The following TASP1 variants were observed in gnomAD, a reference collection of about 807,000 sequenced individuals.
The protein encoded by TASP1 is taspase 1.
Under a neutral mutation model 56.6 loss-of-function variants are expected in TASP1, and 16 were observed. That is an observed-to-expected ratio of 0.28 (90% CI 0.19 to 0.43). The LOEUF (loss-of-function observed/expected upper bound fraction) is 0.43, where lower values mean the gene tolerates loss of function less well. TASP1 is among the 20% of genes least tolerant of loss of function. The pLI is 1.00. For missense variants in TASP1, 393 were observed against 511.6 expected, an observed-to-expected ratio of 0.77 and a Z score of 2.24; for synonymous variants, 179 against 184.2, an observed-to-expected ratio of 0.97 and a Z score of 0.23.
At chr20:13,275,199 C>T in the TASP1 span, among the ~76,000 whole-genome samples, 35 of 150,528 alleles carry the variant, frequency 2.3e-4, no homozygotes, top group Admixed American at 1.7e-3. Flanking sequence ...CCCATTAAGA[C>T]GGACTTAAAA....
the TASP1 span, among the ~76,000 whole-genome samples, chr20:13,150,744 CT>C: frequency 6.6e-6 from 1 of 152,286 alleles, no homozygotes; most frequent in South Asian, 2.1e-4. Flanking sequence ...CCAGCCTCAT[CT>C]TGTCCCAGCT....
At chr20:13,253,565 T>C in the TASP1 span, among the ~76,000 whole-genome samples, 1 of 152,136 alleles carries the variant, frequency 6.6e-6, no homozygotes, top group African/African-American at 2.4e-5. Context: ...GGTTCTCAGA[T>C]GTGAGCCTGC....
At chr20:13,275,817 G>A in the TASP1 span, among the ~76,000 whole-genome samples, 1 of 152,134 alleles carries the variant, frequency 6.6e-6, no homozygotes, top group Non-Finnish European at 1.5e-5. Flanking sequence ...AAATTAATTG[G>A]GAATCAGAAG....
chr20:13,296,152 C>A, the TASP1 span, among the ~76,000 whole-genome samples: 1 of 152,194 alleles, frequency 6.6e-6, no homozygotes, highest in African/African-American at 2.4e-5. Flanking sequence ...GGGCAGATGA[C>A]CCACCCACTC....
chr20:13,460,624 T>TA (rs1261519060), intron 11 of TASP1, among the ~76,000 whole-genome samples: 1 of 152,152 alleles, frequency 6.6e-6, no homozygotes, highest in Non-Finnish European at 1.5e-5. Flanking sequence ...GAGGCTTTCC[T>TA]AGATCAGTAA....
At chr20:13,482,312 C>T (rs534152229) in intron 11 of TASP1, among the ~76,000 whole-genome samples, 1 of 152,184 alleles carries the variant, frequency 6.6e-6, no homozygotes, top group Non-Finnish European at 1.5e-5. Flanking sequence ...ATTTTGGTTA[C>T]TATAATATAA....
At chr20:13,301,237 G>A in the TASP1 span, among the ~76,000 whole-genome samples, 1 of 152,068 alleles carries the variant, frequency 6.6e-6, no homozygotes, top group African/African-American at 2.4e-5. Context: ...CCCCCAAGCT[G>A]GAGTGCAGTG....
chr20:13,393,801 A>C, intron 13 of TASP1: 1 of 573,618 alleles, frequency 1.7e-6, no homozygotes, highest in Admixed American at 2.7e-5. Flanking sequence ...ATGTCCATGC[A>C]GACACCCTGA....
chr20:13,128,002 C>G, the TASP1 span, among the ~76,000 whole-genome samples: 1 of 152,192 alleles, frequency 6.6e-6, no homozygotes, highest in African/African-American at 2.4e-5. Flanking sequence ...AGTGACTTAT[C>G]TATTCAACCC....
At chr20:13,113,036 AGCCAGG>A in the TASP1 span, among the ~76,000 whole-genome samples, 2 of 152,116 alleles carry the variant, frequency 1.3e-5, no homozygotes, top group Admixed American at 1.3e-4. Context: ...GACAAAAATT[AGCCAGG>A]TGTGGTGGTG....
chr20:13,163,589 G>A, the TASP1 span, among the ~76,000 whole-genome samples: 1 of 151,800 alleles, frequency 6.6e-6, no homozygotes, highest in African/African-American at 2.4e-5. Flanking sequence ...TTTGATGTAG[G>A]AAATTTAGAA....
intron 12 of TASP1, among the ~76,000 whole-genome samples, chr20:13,427,449 C>T (rs984290778): frequency 6.6e-6 from 1 of 152,162 alleles, no homozygotes; most frequent in East Asian, 1.9e-4. Context: ...GATAAAATAA[C>T]TCATTATCCT....
At chr20:13,567,471 A>G (rs1447359381) in intron 7 of TASP1, among the ~76,000 whole-genome samples, 2 of 152,148 alleles carry the variant, frequency 1.3e-5, no homozygotes, top group African/African-American at 4.8e-5. Context: ...AATGTGAAGG[A>G]AGAAATTATC....
intron 13 of TASP1, among the ~76,000 whole-genome samples, chr20:13,391,708 T>C (rs76376575): frequency 7.9e-5 from 12 of 151,918 alleles, no homozygotes; most frequent in African/African-American, 2.9e-4. Flanking sequence ...TGGCTCACGC[T>C]TGTAATCCCA....
At chr20:13,549,775 T>A (rs1187620250) in intron 8 of TASP1, among the ~76,000 whole-genome samples, 3 of 152,156 alleles carry the variant, frequency 2.0e-5, no homozygotes, top group Non-Finnish European at 4.4e-5. Flanking sequence ...AATGATAACA[T>A]TAAGAAATGT....
At chr20:13,381,956 A>G in the TASP1 span, among the ~76,000 whole-genome samples, 1 of 152,218 alleles carries the variant, frequency 6.6e-6, no homozygotes, top group Non-Finnish European at 1.5e-5. Context: ...GCTATAGGAA[A>G]GTAGCCTCCA....
the TASP1 span, among the ~76,000 whole-genome samples, chr20:13,310,881 T>TA: frequency 6.6e-6 from 1 of 152,104 alleles, no homozygotes; most frequent in Non-Finnish European, 1.5e-5. Flanking sequence ...TTCATACCTG[T>TA]AAGGAAGATG....
chr20:13,578,876 A>C (rs1244979274), intron 6 of TASP1, among the ~76,000 whole-genome samples: 3 of 152,190 alleles, frequency 2.0e-5, no homozygotes, highest in African/African-American at 7.2e-5. Flanking sequence ...GCTATCCATT[A>C]AGTACATCCA....
At chr20:13,241,410 G>A in the TASP1 span, among the ~76,000 whole-genome samples, 2 of 152,184 alleles carry the variant, frequency 1.3e-5, no homozygotes, top group South Asian at 4.1e-4. Flanking sequence ...CAATAGAAAG[G>A]GAGAGATTGA....
Sources: allele counts gnomAD v4.1 joint callset (sites outside exome capture counted in the v4.1 genomes callset), GRCh38; gene constraint gnomAD v4.1.1; transcripts MANE v1.5; gene names NCBI Gene and HGNC (gene_info 2026-07-23, HGNC 2026-07-21).